TSPAN4: variants seen among roughly 807,000 people sequenced by gnomAD.
TSPAN4 encodes tetraspanin 4.
In TSPAN4, 38 loss-of-function variants were observed where a neutral mutation model predicts 31.5. The ratio of observed to expected loss-of-function variants is 1.21; its 90% CI spans 0.93 to 1.58. The LOEUF is 1.58. Among genes scored for constraint, TSPAN4 ranks in the 40% most tolerant of loss-of-function variants. The probability of loss-of-function intolerance (pLI) is 0.00; values close to 1 mark genes in which losing one functional copy is unlikely to be tolerated. For synonymous variants in TSPAN4, 186 were observed against 144.6 expected, an observed-to-expected ratio of 1.29 and a Z score of -2.06; for missense variants, 330 against 317.3, an observed-to-expected ratio of 1.04 and a Z score of -0.30.
rs530110232 is a variant in TSPAN4 at position 856,169 on chromosome 11, G to A, written c.63+5802G>A. 2.0e-5 allele frequency among the ~76,000 whole-genome samples: 3 copies of A among 152,330 alleles called. No individual in the cohort carries two copies. The East Asian group carries it at 5.8e-4, about 29-fold the overall frequency. On this transcript the variant is annotated intron_variant, in intron 3 of 8. Coordinates refer to ENST00000397397, the MANE Select transcript of TSPAN4 (RefSeq NM_003271.5). ...AGCACCTGCACACGCCCAGCGCTGG[G>A]GGACGGCCCCCCGAGCCTCTTGGGT... is the stretch of plus-strand genomic sequence containing the variant.
intron 1 of TSPAN4, among the ~76,000 whole-genome samples, chr11:846,473 C>T (rs1323570684): frequency 6.6e-6 from 1 of 152,196 alleles, no homozygotes; most frequent in Non-Finnish European, 1.5e-5. Context: ...GGACAGTTAC[C>T]TCACTCCAGA....
chr11:861,153 C>G (rs1184887709), intron 3 of TSPAN4, among the ~76,000 whole-genome samples: 1 of 152,232 alleles, frequency 6.6e-6, no homozygotes, highest in Non-Finnish European at 1.5e-5. Context: ...ACCCCCTCGT[C>G]TCCCCCTGCC....
At chr11:852,512 C>A (rs531649532) in intron 3 of TSPAN4, among the ~76,000 whole-genome samples, 3 of 152,198 alleles carry the variant, frequency 2.0e-5, no homozygotes, top group African/African-American at 4.8e-5. Context: ...TGGGCTGGTG[C>A]CCAGTGGGGG....
Position 864,344 on chromosome 11 carries a change from ATCCATGAG to A in TSPAN4, c.256-92_256-85del, listed in dbSNP as rs1304756906. The A allele has an allele frequency of 2.0e-6, 3 of 1,483,876 alleles. No individual in the cohort carries two copies. In the African/African-American group the frequency reaches 4.1e-5, roughly 20 times the overall value. The allele number at this position is 1,483,876 out of a possible 1,614,324, so 91.9% of individuals were successfully genotyped here. ...CAGAGGTTTCCTGGCAGCACCAGGT[ATCCATGAG>A]GTACGTGGCCCTGGCCCCTGGCATG... On this transcript the variant is annotated intron_variant, in intron 4 of 8. Transcript: ENST00000397397.
At position 848,439 on chromosome 11, in the gene TSPAN4, C is replaced by T. The variant is rs1025564675; in HGVS notation, c.-18+1139C>T. Among the ~76,000 whole-genome samples, 1 of 152,034 alleles carries T rather than the reference C, an allele frequency of 6.6e-6. No homozygotes were observed. Among genetic ancestry groups the T allele is most frequent in the African/African-American group, 2.4e-5 (1 of 41,402 alleles). ...CGAGGACCTGGGCATGGGGTGCTGC[C>T]CTGGGGCTTGGGCTGCAGTTCTCTA... On this transcript the variant is annotated intron_variant, in intron 2 of 8. Coordinates refer to ENST00000397397, the MANE Select transcript of TSPAN4 (RefSeq NM_003271.5). The surrounding 1 kb of genome is among the most constrained non-coding windows in gnomAD (Gnocchi z 5.7).
chr11:865,967 T>A lies in TSPAN4; in HGVS notation c.614T>A (p.Val205Glu), dbSNP rs373294659. The change falls in exon 8 of 9, where the codon GTG becomes GAG. Residue 205 changes from valine to glutamate, a missense_variant. Physicochemically the swap from Val to Glu is moderately radical, Grantham distance 121 (BLOSUM62 -2). Coordinates refer to ENST00000397397, the MANE Select transcript of TSPAN4 (RefSeq NM_003271.5). ...KVWLQENLLA[V>E]GIFGLCTALV... ...TGGCTTCAGGAGAACCTGCTGGCTGTGGGCATCTTTGGGCTGTGCACGGCG... is the reference window on the plus strand; with the variant it reads ...TGGCTTCAGGAGAACCTGCTGGCTGAGGGCATCTTTGGGCTGTGCACGGCG... The A allele has an allele frequency of 1.9e-6, 3 of 1,612,322 alleles. No homozygotes were observed. Among genetic ancestry groups the A allele is most frequent in the Non-Finnish European group, 2.5e-6 (3 of 1,179,998 alleles).
chr11:862,476 G>T (rs749167625), intron 3 of TSPAN4, 74 bp from the exon 4 acceptor site: 4 of 1,371,246 alleles, frequency 2.9e-6, no homozygotes, highest in Non-Finnish European at 3.9e-6. Flanking sequence ...CTTGTGGGCC[G>T]GGCTCTGCCC....
chr11:866,765 C>G lies in TSPAN4; in HGVS notation c.*135C>G. 1.1e-6 allele frequency: 1 copy of G among 899,044 alleles called. No homozygotes were observed. Among genetic ancestry groups the G allele is most frequent in the South Asian group, 1.9e-5 (1 of 53,308 alleles). 55.7% of individuals were successfully genotyped at this position (899,044 alleles called of 1,614,324 possible). ...GGGAGGGAGGGACAGGTGCCTGGAG[C>G]CCCCGGAACCCTGTTTCTGGAAGGC... On this transcript the variant is annotated 3_prime_UTR_variant, in exon 9 of 9. Coordinates refer to ENST00000397397, the MANE Select transcript of TSPAN4 (RefSeq NM_003271.5).
chr11:853,604 G>A (rs890615102), intron 3 of TSPAN4, among the ~76,000 whole-genome samples: 1 of 152,098 alleles, frequency 6.6e-6, no homozygotes, highest in Non-Finnish European at 1.5e-5. Context: ...AGTGGGGAGG[G>A]TTCCTGGGGC....
rs759298912 is a variant in TSPAN4 at position 862,691 on chromosome 11, T to C, written c.205T>C (p.Phe69Leu). The change falls in exon 4 of 9, where the codon TTC becomes CTC. Residue 69 changes from phenylalanine to leucine, a missense_variant. Coordinates refer to ENST00000397397, the MANE Select transcript of TSPAN4 (RefSeq NM_003271.5). ...CGGCGCCTTTGTCATGGCCATCGGC[T>C]TCGTGGGCTGCCTGGGTGCCATCAA... ...ITGAFVMAIG[F>L]VGCLGAIKEN... 4.9e-5 allele frequency: 79 copies of C among 1,612,924 alleles called. No homozygotes were observed. The highest frequency in any genetic ancestry group is 6.6e-5 in the Non-Finnish European group (78 of 1,179,808).
rs57441997 is a variant in TSPAN4 at position 846,343 on chromosome 11, C to T, written c.-117-858C>T. Reference sequence around the variant, plus strand: ...CTTGTGGGTGTCTGAGATCTCCTTGCAGCTCAGTCCCCAGGGCTTTTCCAA... The same window carrying T: ...CTTGTGGGTGTCTGAGATCTCCTTGTAGCTCAGTCCCCAGGGCTTTTCCAA... On this transcript the variant is annotated intron_variant, in intron 1 of 8. Coordinates refer to ENST00000397397, the MANE Select transcript of TSPAN4 (RefSeq NM_003271.5). 4.8e-3 allele frequency among the ~76,000 whole-genome samples: 731 copies of T among 152,330 alleles called. 7 individuals are homozygous for T. The highest frequency in any genetic ancestry group is 0.016 in the African/African-American group (665 of 41,574).
intron 3 of TSPAN4, among the ~76,000 whole-genome samples, chr11:855,396 C>A (rs1215728691): frequency 2.0e-5 from 3 of 152,224 alleles, no homozygotes; most frequent in African/African-American, 7.2e-5. Flanking sequence ...CCCACGCAGC[C>A]CTGCTGCACC....
At chr11:854,024 G>A (rs1352861740) in intron 3 of TSPAN4, among the ~76,000 whole-genome samples, 1 of 152,212 alleles carries the variant, frequency 6.6e-6, no homozygotes, top group Non-Finnish European at 1.5e-5. Flanking sequence ...AGGCCTCTGT[G>A]CTGCCTGGTC....
Position 865,506 on chromosome 11 carries a change from C to A in TSPAN4, c.331-7C>A, listed in dbSNP as rs772199648. 30 of 1,608,974 alleles carry A rather than the reference C, an allele frequency of 1.9e-5. No individual in the cohort carries two copies. Among genetic ancestry groups the A allele is most frequent in the Middle Eastern group, 2.0e-4 (1 of 4,888 alleles). On this transcript the variant is annotated splice_polypyrimidine_tract_variant and splice_region_variant and intron_variant, in intron 5 of 8. Coordinates refer to ENST00000397397, the MANE Select transcript of TSPAN4 (RefSeq NM_003271.5). Reference sequence around the variant, plus strand: ...AGGGGCCCTGCTGACCCCCCCCGCACCCCCAGATTGACAGGTATGCCCAGC... The same window carrying A: ...AGGGGCCCTGCTGACCCCCCCCGCAACCCCAGATTGACAGGTATGCCCAGC...
rs1848887124 is a variant in TSPAN4, at chr11:866,919, G to C, written c.*289G>C. 5.9e-6 allele frequency: 2 copies of C among 336,806 alleles called. No homozygotes were observed. The highest frequency in any genetic ancestry group is 1.1e-5 in the Non-Finnish European group (2 of 184,182). The allele number at this position is 336,806 out of a possible 1,614,324, so 20.9% of individuals were successfully genotyped here. A position where few individuals can be genotyped will look rare whatever the true frequency, so the allele number is the denominator to read the frequency against. Reference sequence around the variant, plus strand: ...TTATATTTACGTATTCTCCAAAGCAGTGTTCACACGGGAGCCAGCCTGTGG... The same window carrying C: ...TTATATTTACGTATTCTCCAAAGCACTGTTCACACGGGAGCCAGCCTGTGG... On this transcript the variant is annotated 3_prime_UTR_variant, in exon 9 of 9. Coordinates refer to ENST00000397397, the MANE Select transcript of TSPAN4 (RefSeq NM_003271.5).
intron 3 of TSPAN4, among the ~76,000 whole-genome samples, chr11:855,117 G>A (rs923615297): frequency 6.6e-6 from 1 of 152,124 alleles, no homozygotes. Context: ...TGTCCACCCA[G>A]TGACACAGGC....
chr11:866,408 G>C (rs1481075646), intron 8 of TSPAN4, among the ~76,000 whole-genome samples, 154 bp from the exon 9 acceptor site: 6 of 152,138 alleles, frequency 3.9e-5, no homozygotes, highest in African/African-American at 9.7e-5. Flanking sequence ...GGTGGGGCGT[G>C]CAAGCCACCA....
chr11:845,895 A>C (rs1158802032), intron 1 of TSPAN4, among the ~76,000 whole-genome samples: 1 of 151,886 alleles, frequency 6.6e-6, no homozygotes, highest in East Asian at 1.9e-4. Context: ...GCCTGGTCCC[A>C]CCCAGACTCT....
At chr11:855,962 G>A (rs1848020824) in intron 3 of TSPAN4, among the ~76,000 whole-genome samples, 1 of 152,218 alleles carries the variant, frequency 6.6e-6, no homozygotes, top group African/African-American at 2.4e-5. Flanking sequence ...AGGGCTGAGA[G>A]CTGGCCAGCG....
Sources: allele counts gnomAD v4.1 joint callset (sites outside exome capture counted in the v4.1 genomes callset), GRCh38; gene constraint gnomAD v4.1.1; non-coding constraint Gnocchi (gnomAD v3.1); transcripts MANE v1.5; gene names NCBI Gene and HGNC (gene_info 2026-07-23, HGNC 2026-07-21).